BCAS1: variants seen among roughly 807,000 people sequenced by gnomAD.
BCAS1 encodes the protein brain enriched myelin associated protein 1.
In BCAS1, 46 loss-of-function variants were observed where a neutral mutation model predicts 65.4. The observed-to-expected ratio is 0.70, with a 90% confidence interval of 0.55 to 0.90. The LOEUF (loss-of-function observed/expected upper bound fraction) is 0.90, where lower values mean the gene tolerates loss of function less well. BCAS1 is among the 40% of genes least tolerant of loss of function. BCAS1 has a pLI of 0.00. For missense variants in BCAS1, 793 were observed against 771.2 expected, an observed-to-expected ratio of 1.03 and a Z score of -0.33; for synonymous variants, 298 against 293.5, an observed-to-expected ratio of 1.02 and a Z score of -0.16.
chr20:54,063,380 C>T (rs188071770), intron 1 of BCAS1, among the ~76,000 whole-genome samples: 251 of 152,274 alleles, frequency 1.6e-3, no homozygotes, highest in South Asian at 0.015. Flanking sequence ...AAGAGGACTG[C>T]ACAAGAGTTA....
chr20:54,060,748 A>G (rs1044521748), intron 1 of BCAS1, among the ~76,000 whole-genome samples: 2 of 152,298 alleles, frequency 1.3e-5, no homozygotes, highest in African/African-American at 4.8e-5. Flanking sequence ...GTGAAGGGCA[A>G]AGTTGAATAT....
intron 6 of BCAS1, among the ~76,000 whole-genome samples, chr20:53,994,156 A>T (rs1458777169): frequency 2.6e-5 from 4 of 152,198 alleles, no homozygotes; most frequent in Non-Finnish European, 4.4e-5. Context: ...TAGCAGATGT[A>T]GGGGGCAAAC....
At chr20:54,034,662 T>C (rs2091865073) in intron 3 of BCAS1, among the ~76,000 whole-genome samples, 1 of 151,466 alleles carries the variant, frequency 6.6e-6, no homozygotes, top group African/African-American at 2.4e-5. Context: ...AAACATTCCA[T>C]GTTCATTGAT....
intron 3 of BCAS1, among the ~76,000 whole-genome samples, chr20:54,054,062 C>G (rs1175522536): frequency 6.6e-6 from 1 of 152,136 alleles, no homozygotes; most frequent in Non-Finnish European, 1.5e-5. Flanking sequence ...TGGCAGCAGG[C>G]AAGAGAGCAT....
intron 4 of BCAS1, among the ~76,000 whole-genome samples, chr20:54,011,668 G>A (rs1257460724): frequency 6.6e-6 from 1 of 152,104 alleles, no homozygotes; most frequent in African/African-American, 2.4e-5. Context: ...AAATGTAAAG[G>A]GATACAGGCA....
In BCAS1 at chr20:53,992,463, G is replaced by A. The variant is rs2276500; in HGVS notation, c.1062+49C>T. The A allele has an allele frequency of 5.5e-5, 74 of 1,356,540 alleles. No homozygotes were observed. The East Asian group carries it at 3.3e-3, about 61-fold the overall frequency. The allele number at this position is 1,356,540 out of a possible 1,614,324, so 84.0% of individuals were successfully genotyped here. A position where few individuals can be genotyped will look rare whatever the true frequency, so the allele number is the denominator to read the frequency against. Reference sequence around the variant, plus strand: ...GTGGGCTCAGGATGGCACATGTCTTGTGAAGACCAGAGTTCTTGTTTTTCC... The same window carrying A: ...GTGGGCTCAGGATGGCACATGTCTTATGAAGACCAGAGTTCTTGTTTTTCC... On this transcript the variant is annotated intron_variant, in intron 7 of 12. Transcript: ENST00000688948.
At position 53,981,668 on chromosome 20, in the gene BCAS1, C is replaced by T. The variant is rs141974731; in HGVS notation, c.1275+3619G>A. 1.9e-3 allele frequency among the ~76,000 whole-genome samples: 291 copies of T among 151,904 alleles called. 4 individuals carry two copies. The highest frequency in any genetic ancestry group is 7.1e-3 in the South Asian group (34 of 4,802). ...CCACTAAAATTTAAACAGTCAGTAA[C>T]TGTCAGAACTGAGATTTGATAATGT... On this transcript the variant is annotated intron_variant, in intron 8 of 12. Transcript: ENST00000688948.
In BCAS1 at chr20:54,039,946, C is replaced by T. The variant is rs1048932557; in HGVS notation, c.143-10974G>A. Among the ~76,000 whole-genome samples, 2 of 151,474 alleles carry T rather than the reference C, an allele frequency of 1.3e-5. 1 individual carries two copies. Among genetic ancestry groups the T allele is most frequent in the Non-Finnish European group, 3.0e-5 (2 of 67,628 alleles). ...AATTGGATCACATTAGACATATTTT[C>T]TGATGACTTTTGTACATTATAGTTG... On this transcript the variant is annotated intron_variant, in intron 3 of 12. Transcript: ENST00000688948.
chr20:53,999,894 T>A (rs1385594667), intron 4 of BCAS1, among the ~76,000 whole-genome samples: 2 of 152,070 alleles, frequency 1.3e-5, no homozygotes, highest in Non-Finnish European at 2.9e-5. Flanking sequence ...CATGCCTGTC[T>A]AATTTTTGTA....
Position 53,953,486 on chromosome 20 carries a change from G to C in BCAS1, c.1761C>G (p.Leu587=), listed in dbSNP as rs2089594930. The change falls in exon 12 of 13, where the codon CTC becomes CTG. Residue 587 remains leucine (L), a synonymous_variant. Coordinates refer to ENST00000688948, the MANE Select transcript of BCAS1 (RefSeq NM_001366298.2). ...GCTGCCGCTTCTCAGGTCTCTTTTG[G>C]AGCTTGTCCCCATTCTGCAGTGAGT... is the stretch of plus-strand genomic sequence containing the variant. ...DTNSLQNGDK[L]QKRPEKRQQS... is the part of the protein sequence containing the mutation. 1 of 1,613,930 alleles carries C rather than the reference G, an allele frequency of 6.2e-7. No individual in the cohort carries two copies. Among genetic ancestry groups the C allele is most frequent in the Admixed American group, 1.7e-5 (1 of 59,990 alleles).
At position 54,068,868 on chromosome 20, in the gene BCAS1, G is replaced by C. The variant is rs556295997; in HGVS notation, c.-6+1565C>G. On this transcript the variant is annotated intron_variant, in intron 1 of 12. Transcript: ENST00000688948. Reference sequence around the variant, plus strand: ...ACAGATGAGCCTGCAAGGTGCAAAGGTACCCCCGCCCCCAACCCAAAGCCT... The same window carrying C: ...ACAGATGAGCCTGCAAGGTGCAAAGCTACCCCCGCCCCCAACCCAAAGCCT... 2.6e-5 allele frequency among the ~76,000 whole-genome samples: 4 copies of C among 152,044 alleles called. No individual in the cohort carries two copies. In the South Asian group the frequency reaches 8.3e-4, roughly 32 times the overall value.
In BCAS1 at chr20:53,953,494, C is replaced by A; in HGVS notation, c.1753G>T (p.Asp585Tyr). The change falls in exon 12 of 13, where the codon GAC becomes TAC. Residue 585 changes from aspartate to tyrosine, a missense_variant. Transcript: ENST00000688948. The stretch of plus-strand genomic sequence containing the variant: ...TTCTCAGGTCTCTTTTGGAGCTTGT[C>A]CCCATTCTGCAGTGAGTTCGTGTCC... ...TVDTNSLQNG[D>Y]KLQKRPEKRQ... 1 of 1,614,018 alleles carries A rather than the reference C, an allele frequency of 6.2e-7. No individual in the cohort carries two copies. The highest frequency in any genetic ancestry group is 8.5e-7 in the Non-Finnish European group (1 of 1,180,004).
chr20:54,049,220 G>T (rs946557270), intron 3 of BCAS1, among the ~76,000 whole-genome samples: 2 of 151,952 alleles, frequency 1.3e-5, no homozygotes, highest in Non-Finnish European at 2.9e-5. Context: ...TTTTTTTTAA[G>T]AAAAGCAAAA....
chr20:54,040,395 G>A lies in BCAS1; in HGVS notation c.143-11423C>T, dbSNP rs767040425. Among the ~76,000 whole-genome samples, 5 of 151,236 alleles carry A rather than the reference G, an allele frequency of 3.3e-5. 1 individual carries two copies. The highest frequency in any genetic ancestry group is 7.4e-5 in the Non-Finnish European group (5 of 67,594). Reference sequence around the variant, plus strand: ...GTTGTTAGGACACCACGGGTCAGCTGTGGAGATACGGTTGTGGGGCAGGTT... The same window carrying A: ...GTTGTTAGGACACCACGGGTCAGCTATGGAGATACGGTTGTGGGGCAGGTT... On this transcript the variant is annotated intron_variant, in intron 3 of 12. Coordinates refer to ENST00000688948, the MANE Select transcript of BCAS1 (RefSeq NM_001366298.2).
chr20:54,018,209 C>T (rs2091479933), intron 4 of BCAS1, among the ~76,000 whole-genome samples: 1 of 152,152 alleles, frequency 6.6e-6, no homozygotes, highest in East Asian at 1.9e-4. Context: ...CTGTTTATTT[C>T]ACTCAGAGCT....
intron 1 of BCAS1, 91 bp from the exon 2 acceptor site, chr20:54,058,814 C>T (rs1381957194): frequency 1.2e-5 from 17 of 1,430,352 alleles, no homozygotes; most frequent in Non-Finnish European, 1.6e-5. Context: ...TGACAAGCCG[C>T]CCATGGCTGT....
intron 12 of BCAS1, among the ~76,000 whole-genome samples, chr20:53,950,871 C>T (rs1339320906): frequency 3.5e-5 from 4 of 115,378 alleles, no homozygotes; most frequent in African/African-American, 1.4e-4. Context: ...TGTGTGAAAG[C>T]AGCTAGACAA....
At chr20:54,039,654 T>C (rs290470) in intron 3 of BCAS1, among the ~76,000 whole-genome samples, 10,210 of 151,466 alleles carry the variant, frequency 0.067, 843 homozygotes, top group East Asian at 0.31. Context: ...GAGCATATAT[T>C]TTCATTTAAA....
rs548323206 is a variant in BCAS1, at chr20:53,970,690, AAG to A, written c.1318-3619_1318-3618del. 2.6e-5 allele frequency among the ~76,000 whole-genome samples: 4 copies of A among 152,302 alleles called. No homozygotes were observed. The East Asian group carries it at 7.7e-4, about 29-fold the overall frequency. ...AACATTGACAATATACATTTCAGTG[AAG>A]AGTTTCCCTTTTTGCCTCAAATTTT... On this transcript the variant is annotated intron_variant, in intron 9 of 12. Coordinates refer to ENST00000688948, the MANE Select transcript of BCAS1 (RefSeq NM_001366298.2).
Sources: gnomAD v4.1 joint callset for allele counts (sites outside exome capture counted in the v4.1 genomes callset) on GRCh38, gnomAD v4.1.1 for gene constraint, MANE v1.5 for transcripts, NCBI Gene and HGNC (gene_info 2026-07-23, HGNC 2026-07-21) for gene names.